The following DLG2 variants were observed in gnomAD, a reference collection of about 807,000 sequenced individuals.
DLG2 encodes discs large MAGUK scaffold protein 2, also known as disks large homolog 2.
DLG2 carries 45 observed loss-of-function variants against 132.5 expected under a neutral mutation model. That is an observed-to-expected ratio of 0.34 (90% CI 0.27 to 0.44). The LOEUF (loss-of-function observed/expected upper bound fraction) is 0.44. Among genes scored for constraint, DLG2 ranks in the 20% least tolerant of loss-of-function variants. The pLI is 1.00. For synonymous variants in DLG2, 424 were observed against 419.6 expected (o/e 1.01, Z -0.13); for missense variants, 1,045 against 1,196.9 (o/e 0.87, Z 1.87).
At position 84,014,017 on chromosome 11, in the gene DLG2, A is replaced by C. The variant is rs111470065; in HGVS notation, c.920-33375T>G. On this transcript the variant is annotated intron_variant, in intron 11 of 27. Coordinates refer to ENST00000376104, the MANE Select transcript of DLG2 (RefSeq NM_001142699.3). ...TGAGTATATCTTCACAATGCTCTGC[A>C]AACAAGTAGAGTTGTACACTTACCA... Among the ~76,000 whole-genome samples the C allele has an allele frequency of 8.5e-5, 13 of 152,264 alleles. 1 individual carries two copies. Among genetic ancestry groups the C allele is most frequent in the African/African-American group, 3.1e-4 (13 of 41,558 alleles).
intron 17 of DLG2, among the ~76,000 whole-genome samples, chr11:83,792,408 C>CCA (rs1245481022): frequency 6.6e-6 from 1 of 151,696 alleles, no homozygotes; most frequent in East Asian, 1.9e-4. Context: ...ATTAATATAC[C>CCA]CACATCATAT....
intron 6 of DLG2, among the ~76,000 whole-genome samples, chr11:84,722,820 G>C (rs1050233991): frequency 1.3e-5 from 2 of 152,160 alleles, no homozygotes; most frequent in Non-Finnish European, 2.9e-5. Flanking sequence ...CTTACACTAA[G>C]TGCAGAAGTC....
chr11:84,708,765 G>C (rs1305818870), intron 6 of DLG2, among the ~76,000 whole-genome samples: 1 of 151,748 alleles, frequency 6.6e-6, no homozygotes, highest in African/African-American at 2.4e-5. Flanking sequence ...TGGGGAAATA[G>C]CTACAGCAAA....
intron 14 of DLG2, among the ~76,000 whole-genome samples, chr11:83,947,193 G>A (rs1201095822): frequency 3.9e-5 from 6 of 151,962 alleles, no homozygotes; most frequent in African/African-American, 4.8e-5. Context: ...TGGGAAATCT[G>A]AATATTTGGG....
At chr11:83,850,148 G>GTT (rs2059423431) in intron 16 of DLG2, among the ~76,000 whole-genome samples, 1 of 133,146 alleles carries the variant, frequency 7.5e-6, no homozygotes, top group Non-Finnish European at 1.6e-5. Flanking sequence ...GTGTGTGTGT[G>GTT]TGTGTGTGTG....
At chr11:84,905,831 T>C (rs2091443667) in intron 6 of DLG2, among the ~76,000 whole-genome samples, 1 of 152,218 alleles carries the variant, frequency 6.6e-6, no homozygotes, top group African/African-American at 2.4e-5. Flanking sequence ...TTGAAAAGCC[T>C]GAGCCATTTG....
At chr11:83,471,151 C>T (rs769062775) in intron 24 of DLG2, among the ~76,000 whole-genome samples, 1 of 152,032 alleles carries the variant, frequency 6.6e-6, no homozygotes, top group Non-Finnish European at 1.5e-5. Context: ...TTGTCTTCAC[C>T]CTCCCTAAAC....
intron 6 of DLG2, among the ~76,000 whole-genome samples, chr11:84,849,547 T>C (rs534176042): frequency 3.7e-4 from 56 of 152,126 alleles, no homozygotes; most frequent in Non-Finnish European, 6.2e-4. Context: ...GTTGCTGTTG[T>C]TCTGCCATAG....
intron 6 of DLG2, among the ~76,000 whole-genome samples, chr11:84,541,188 T>TAATAATAATAATA (rs1555016631): frequency 7.9e-5 from 9 of 113,826 alleles, no homozygotes; most frequent in African/African-American, 2.6e-4. Flanking sequence ...CTTGAAGTAT[T>TAATAATAATAATA]ATAATAATAA....
intron 19 of DLG2, among the ~76,000 whole-genome samples, chr11:83,592,881 A>G (rs1381640164): frequency 6.7e-6 from 1 of 149,834 alleles, no homozygotes; most frequent in Non-Finnish European, 1.5e-5. Flanking sequence ...CAGCCAAAAA[A>G]CACATGAAAA....
chr11:84,522,154 C>T (rs942677134), intron 7 of DLG2, among the ~76,000 whole-genome samples: 6 of 147,848 alleles, frequency 4.1e-5, no homozygotes, highest in South Asian at 2.1e-4. Context: ...GGCGACAGAG[C>T]GAGACTCTGT....
At chr11:84,337,923 T>A (rs1226033846) in intron 7 of DLG2, among the ~76,000 whole-genome samples, 2 of 152,158 alleles carry the variant, frequency 1.3e-5, no homozygotes, top group Non-Finnish European at 2.9e-5. Context: ...GCTGGCAATT[T>A]AACAAAACCA....
chr11:85,026,346 A>G (rs2060509658), intron 6 of DLG2, among the ~76,000 whole-genome samples: 1 of 152,158 alleles, frequency 6.6e-6, no homozygotes, highest in Non-Finnish European at 1.5e-5. Flanking sequence ...GCAAATCCCA[A>G]CCTCAGTTAT....
At chr11:83,784,978 G>C (rs941172289) in intron 18 of DLG2, among the ~76,000 whole-genome samples, 1 of 152,106 alleles carries the variant, frequency 6.6e-6, no homozygotes, top group African/African-American at 2.4e-5. Flanking sequence ...CGATGAAAAA[G>C]TTCTTACTCT....
intron 14 of DLG2, among the ~76,000 whole-genome samples, chr11:83,953,984 T>G (rs2086167938): frequency 6.6e-6 from 1 of 152,188 alleles, no homozygotes; most frequent in Non-Finnish European, 1.5e-5. Context: ...AATGCAACAT[T>G]GATTAAATTA....
intron 15 of DLG2, among the ~76,000 whole-genome samples, chr11:83,913,990 T>G (rs1176539822): frequency 6.6e-6 from 1 of 152,144 alleles, no homozygotes; most frequent in Admixed American, 6.5e-5. Flanking sequence ...TCTAGTTGGA[T>G]GTAGACTGGA....
chr11:84,395,895 A>G (rs2098809289), intron 7 of DLG2, among the ~76,000 whole-genome samples: 1 of 152,254 alleles, frequency 6.6e-6, no homozygotes, highest in Non-Finnish European at 1.5e-5. Context: ...ACTATTTGTC[A>G]GAAACAGAAG....
chr11:83,651,926 G>A (rs1249016049), intron 18 of DLG2: 10 of 470,230 alleles, frequency 2.1e-5, no homozygotes, highest in Non-Finnish European at 3.5e-5. Context: ...ATGTGATATC[G>A]GCACCTTTGC....
chr11:84,408,187 T>C (rs181932482), intron 7 of DLG2, among the ~76,000 whole-genome samples: 1 of 152,232 alleles, frequency 6.6e-6, no homozygotes, highest in Admixed American at 6.5e-5. Context: ...TAGTTATTAA[T>C]GAATCAACCA....
Sources: allele counts gnomAD v4.1 joint callset (sites outside exome capture counted in the v4.1 genomes callset), GRCh38; gene constraint gnomAD v4.1.1; transcripts MANE v1.5; gene names NCBI Gene and HGNC (gene_info 2026-07-23, HGNC 2026-07-21).